Variants in GCN1 observed in about 807,000 individuals in gnomAD.
The protein encoded by GCN1 is GCN1 activator of EIF2AK4, also known as stalled ribosome sensor GCN1.
In GCN1, 90 loss-of-function variants were observed where a neutral mutation model predicts 288.4. That is an observed-to-expected ratio of 0.31 (90% confidence interval 0.26 to 0.37). The LOEUF is 0.37. Among genes scored for constraint, GCN1 ranks in the 10% least tolerant of loss-of-function variants. The pLI, the probability that GCN1 is intolerant of heterozygous loss-of-function variation, is 1.00. For missense variants in GCN1, 2,586 were observed against 3,419.9 expected, an observed-to-expected ratio of 0.76 and a Z score of 6.08; for synonymous variants, 1,386 against 1,420.2, an observed-to-expected ratio of 0.98 and a Z score of 0.54.
At chr12:120,184,064 G>A (rs1168379605) in intron 4 of GCN1, 48 bp downstream of exon 4, 6 of 1,551,616 alleles carry the variant, frequency 3.9e-6, no homozygotes, top group Non-Finnish European at 5.3e-6. Context: ...AGCTTCTCCT[G>A]AGCAGGACTG....
chr12:120,172,821 T>C (rs2139128203), intron 14 of GCN1, among the ~76,000 whole-genome samples: 1 of 152,244 alleles, frequency 6.6e-6, no homozygotes, highest in East Asian at 1.9e-4. Flanking sequence ...GATGCTTCTT[T>C]AAATACAGTT....
intron 13 of GCN1, 59 bp downstream of exon 13, chr12:120,174,012 G>T: frequency 1.7e-6 from 2 of 1,193,676 alleles, no homozygotes; most frequent in Non-Finnish European, 1.2e-6. Context: ...CTCCAACTGT[G>T]AAAAACCACG....
intron 22 of GCN1, 189 bp from the exon 23 acceptor site, chr12:120,160,444 G>T: frequency 1.7e-6 from 1 of 589,524 alleles, no homozygotes; most frequent in Non-Finnish European, 3.0e-6. Flanking sequence ...TCTATAGAAT[G>T]GAGACAGCAA....
rs891020461 is a variant in GCN1 at position 120,164,347 on chromosome 12, T to C, written c.1837A>G (p.Ser613Gly). ...GLLEELKTVLSSHKVLPLEAL... is the reference protein window; with the variant it reads ...GLLEELKTVLGSHKVLPLEAL... ...CCAGATGCCCTCACCTTGTGAGAAC[T>C]GAGGACAGTCTTCAGCTCCTCCAAG... is the stretch of plus-strand genomic sequence containing the variant. Residue 613 changes from serine to glycine, a missense_variant, in exon 18 of 58, where the codon AGT becomes GGT. This residue lies in a region of GCN1 where 913 missense variants were observed against 1,107.0 expected (regional missense o/e 0.82). Transcript: ENST00000300648. 1 of 1,613,836 alleles carries C rather than the reference T, an allele frequency of 6.2e-7. No homozygotes were observed. The highest frequency in any genetic ancestry group is 8.5e-7 in the Non-Finnish European group (1 of 1,179,772).
At chr12:120,168,378 T>C in intron 15 of GCN1, 78 bp from the exon 16 acceptor site, 4 of 887,840 alleles carry the variant, frequency 4.5e-6, no homozygotes, top group East Asian at 4.8e-5. Context: ...CTGAAGCTGC[T>C]GGGGTGGGCT....
rs1416491928 is a variant in GCN1 at position 120,153,700 on chromosome 12, C to A, written c.3867+44G>T. 1 of 1,587,460 alleles carries A rather than the reference C, an allele frequency of 6.3e-7. No homozygotes were observed. On this transcript the variant is annotated intron_variant, in intron 32 of 57. Transcript: ENST00000300648. The surrounding 1 kb of genome is among the most constrained non-coding windows in gnomAD (Gnocchi z 4.4). ...CCGTGTCTCCTTAGCGGGCTGGGAC[C>A]CCCTTACCTTCCCGTGGGTGTTCCC...
At chr12:120,192,696 C>A (rs1358910503) in intron 1 of GCN1, among the ~76,000 whole-genome samples, 2 of 146,110 alleles carry the variant, frequency 1.4e-5, no homozygotes, top group African/African-American at 5.1e-5. Context: ...TGTGCCACTG[C>A]ACTCTAGCCT....
intron 16 of GCN1, among the ~76,000 whole-genome samples, chr12:120,165,790 G>A (rs1878102927): frequency 6.6e-6 from 1 of 151,146 alleles, no homozygotes; most frequent in Non-Finnish European, 1.5e-5. Flanking sequence ...TTTTGTTTTC[G>A]TTGTTGTTGT....
intron 45 of GCN1, among the ~76,000 whole-genome samples, chr12:120,139,355 A>C (rs951927824): frequency 9.3e-5 from 14 of 149,944 alleles, no homozygotes; most frequent in African/African-American, 3.2e-4. Flanking sequence ...GGCCGCGCAC[A>C]GTGGCTCACG....
Position 120,127,217 on chromosome 12 carries a change from T to C in GCN1, c.*632A>G, listed in dbSNP as rs1467932808. 1 of 152,704 alleles carries C rather than the reference T, an allele frequency of 6.5e-6. No homozygotes were observed. The highest frequency in any genetic ancestry group is 1.5e-5 in the Non-Finnish European group (1 of 68,056). The allele number at this position is 152,704 out of a possible 1,614,324, so 9.5% of individuals were successfully genotyped here. A position where few individuals can be genotyped will look rare whatever the true frequency, so the allele number is the denominator to read the frequency against. The stretch of plus-strand genomic sequence containing the variant: ...GGTACAAACCTTTCCTTATTCCTGA[T>C]GCAGGAAGCTTCATGTTTAATGGGT... On this transcript the variant is annotated 3_prime_UTR_variant, in exon 58 of 58. Transcript: ENST00000300648.
At position 120,153,525 on chromosome 12, in the gene GCN1, C is replaced by T; in HGVS notation, c.3868-118G>A. 1.0e-6 allele frequency: 1 copy of T among 960,878 alleles called. No homozygotes were observed. Among genetic ancestry groups the T allele is most frequent in the Non-Finnish European group, 1.5e-6 (1 of 646,856 alleles). 59.5% of individuals were successfully genotyped at this position (960,878 alleles called of 1,614,324 possible). A position where few individuals can be genotyped will look rare whatever the true frequency, so the allele number is the denominator to read the frequency against. ...GCTCTGGGACAGGCATCCTGACATG[C>T]CAGCCAGTGGCTCTTCCAGTTTTCT... On this transcript the variant is annotated intron_variant, in intron 32 of 57. Transcript: ENST00000300648. The surrounding 1 kb of genome is among the most constrained non-coding windows in gnomAD (Gnocchi z 4.4).
intron 38 of GCN1, among the ~76,000 whole-genome samples, chr12:120,145,773 C>T (rs1170431711): frequency 2.6e-5 from 4 of 152,068 alleles, no homozygotes; most frequent in African/African-American, 7.2e-5. Flanking sequence ...CAGAAAATGC[C>T]TTATGTTCAC....
chr12:120,192,086 C>G (rs1380517796), intron 1 of GCN1, among the ~76,000 whole-genome samples: 1 of 152,168 alleles, frequency 6.6e-6, no homozygotes, highest in South Asian at 2.1e-4. Context: ...TTTTATGCCC[C>G]TGGTGTTAAT....
Position 120,184,200 on chromosome 12 carries a change from A to G in GCN1, c.229T>C (p.Leu77=). Residue 77 remains leucine, a synonymous_variant, in exon 4 of 58, where the codon TTG becomes CTG. Transcript: ENST00000300648. ...RRALQAAIQQ[L]AEAQPEATAK... is the part of the protein sequence containing the mutation. Reference sequence around the variant, plus strand: ...GTGGCTTCTGGCTGGGCCTCAGCCAACTGCTGGATGGCTGCCTGCAAGGCC... The same window carrying G: ...GTGGCTTCTGGCTGGGCCTCAGCCAGCTGCTGGATGGCTGCCTGCAAGGCC... 6.2e-7 allele frequency: 1 copy of G among 1,613,352 alleles called. No homozygotes were observed. The highest frequency in any genetic ancestry group is 8.5e-7 in the Non-Finnish European group (1 of 1,179,314).
At chr12:120,184,297 G>A in intron 3 of GCN1, 54 bp from the exon 4 acceptor site, 2 of 1,542,442 alleles carry the variant, frequency 1.3e-6, no homozygotes, top group Middle Eastern at 1.9e-4. Context: ...GCAGAGGCAG[G>A]GGCAAGGCTG....
intron 16 of GCN1, among the ~76,000 whole-genome samples, chr12:120,165,653 T>C (rs1203703180): frequency 6.6e-6 from 1 of 151,086 alleles, no homozygotes; most frequent in Non-Finnish European, 1.5e-5. Context: ...TTTCTATTTT[T>C]AGTAGAGACG....
In GCN1 at chr12:120,182,329, A is replaced by G. The variant is rs550003759; in HGVS notation, c.426+1240T>C. Among the ~76,000 whole-genome samples, 15 of 152,232 alleles carry G rather than the reference A, an allele frequency of 9.9e-5. No homozygotes were observed. The South Asian group carries it at 3.1e-3, about 32-fold the overall frequency. On this transcript the variant is annotated intron_variant, in intron 5 of 57. Coordinates refer to ENST00000300648, the MANE Select transcript of GCN1 (RefSeq NM_006836.2). ...CCTCAAGGTTTCAGCATTCTAATCCATCATCAATCAATTATACTGACAGCC... is the reference window on the plus strand; with the variant it reads ...CCTCAAGGTTTCAGCATTCTAATCCGTCATCAATCAATTATACTGACAGCC...
chr12:120,136,185 A>G (rs1045077066), intron 51 of GCN1, among the ~76,000 whole-genome samples: 1 of 152,236 alleles, frequency 6.6e-6, no homozygotes, highest in Non-Finnish European at 1.5e-5. Flanking sequence ...AGCAGGCATC[A>G]TGCTGGACAT....
intron 36 of GCN1, among the ~76,000 whole-genome samples, chr12:120,149,159 GT>G (rs1877457673): frequency 6.6e-6 from 1 of 152,080 alleles, no homozygotes; most frequent in Non-Finnish European, 1.5e-5. Flanking sequence ...CTGACTTAGG[GT>G]TGTGGCTCTT....
Sources: allele counts gnomAD v4.1 joint callset (sites outside exome capture counted in the v4.1 genomes callset), GRCh38; gene constraint gnomAD v4.1.1; regional missense constraint gnomAD v4.1.1; non-coding constraint Gnocchi (gnomAD v3.1); transcripts MANE v1.5; gene names NCBI Gene and HGNC (gene_info 2026-07-23, HGNC 2026-07-21).